VAT1L: variants seen among roughly 807,000 people sequenced by gnomAD.
The protein encoded by VAT1L is vesicle amine transport 1 like.
Under a neutral mutation model 44.1 loss-of-function variants are expected in VAT1L, and 34 were observed. The observed-to-expected ratio is 0.77, with a 90% CI of 0.59 to 1.03. The LOEUF is 1.03. VAT1L is among the 50% of genes least tolerant of loss of function. The pLI is 0.00. For missense variants in VAT1L, 615 were observed against 538.8 expected (o/e 1.14, Z -1.40); for synonymous variants, 253 against 202.2 (o/e 1.25, Z -2.13).
At chr16:77,869,161 C>G (rs576365438) in intron 4 of VAT1L, among the ~76,000 whole-genome samples, 1 of 152,134 alleles carries the variant, frequency 6.6e-6, no homozygotes, top group Non-Finnish European at 1.5e-5. Flanking sequence ...GAGGCAGTGC[C>G]TATAGAGATT....
chr16:77,828,908 G>C (rs781378626), intron 3 of VAT1L, among the ~76,000 whole-genome samples: 6 of 152,132 alleles, frequency 3.9e-5, no homozygotes, highest in Non-Finnish European at 8.8e-5. Flanking sequence ...CAGACCTCTA[G>C]CAATTTAATA....
chr16:77,910,141 C>T (rs981174527), intron 7 of VAT1L, among the ~76,000 whole-genome samples: 3 of 152,188 alleles, frequency 2.0e-5, no homozygotes, highest in Non-Finnish European at 2.9e-5. Context: ...CCCTGAAGTC[C>T]TACTTGATTC....
In VAT1L at chr16:77,977,882, A is replaced by G; in HGVS notation, c.*187A>G. ...AAGTGCCAATCCCATGCCATGCAGTATTATGTCCCTCTCCTATCTGTGTAT... is the reference window on the plus strand; with the variant it reads ...AAGTGCCAATCCCATGCCATGCAGTGTTATGTCCCTCTCCTATCTGTGTAT... On this transcript the variant is annotated 3_prime_UTR_variant, in exon 9 of 9. Coordinates refer to ENST00000302536, the MANE Select transcript of VAT1L (RefSeq NM_020927.3). 1 of 590,680 alleles carries G rather than the reference A, an allele frequency of 1.7e-6. No homozygotes were observed. The highest frequency in any genetic ancestry group is 3.1e-6 in the Non-Finnish European group (1 of 325,912). The allele number at this position is 590,680 out of a possible 1,614,324, so 36.6% of individuals were successfully genotyped here.
intron 7 of VAT1L, among the ~76,000 whole-genome samples, chr16:77,903,966 G>T (rs1567503746): frequency 1.3e-5 from 2 of 151,934 alleles, no homozygotes; most frequent in Non-Finnish European, 1.5e-5. Context: ...TCGATCTCAT[G>T]ACCTTGTGAT....
intron 7 of VAT1L, among the ~76,000 whole-genome samples, chr16:77,921,475 T>G (rs1310254849): frequency 6.6e-6 from 1 of 152,178 alleles, no homozygotes; most frequent in Admixed American, 6.5e-5. Context: ...GAAATGTGTT[T>G]GTTCTGATCT....
chr16:77,937,788 T>C (rs766640856), intron 7 of VAT1L, among the ~76,000 whole-genome samples: 7 of 152,214 alleles, frequency 4.6e-5, no homozygotes, highest in Non-Finnish European at 1.5e-5. Context: ...GTTGAATCCC[T>C]TGAATTACAT....
At chr16:77,936,464 C>T (rs1175717639) in intron 7 of VAT1L, among the ~76,000 whole-genome samples, 10 of 152,102 alleles carry the variant, frequency 6.6e-5, no homozygotes, top group African/African-American at 2.4e-5. Flanking sequence ...TCAAAGAAAA[C>T]GACCCAAGTG....
intron 4 of VAT1L, among the ~76,000 whole-genome samples, chr16:77,874,461 G>C (rs1253732179): frequency 1.8e-5 from 2 of 109,710 alleles, no homozygotes; most frequent in East Asian, 1.0e-3. Context: ...TGCCTCTCCA[G>C]CCCAACCCGA....
At chr16:77,804,130 G>A (rs2016113475) in intron 1 of VAT1L, among the ~76,000 whole-genome samples, 1 of 152,124 alleles carries the variant, frequency 6.6e-6, no homozygotes. Context: ...AACACAGAGG[G>A]GTCTGTTGAA....
At chr16:77,946,127 A>C (rs190015297) in intron 7 of VAT1L, among the ~76,000 whole-genome samples, 2 of 151,610 alleles carry the variant, frequency 1.3e-5, no homozygotes, top group Non-Finnish European at 2.9e-5. Context: ...AGACATTATC[A>C]CATTGTACAA....
intron 7 of VAT1L, among the ~76,000 whole-genome samples, chr16:77,964,779 CTTTTTTTTTTTTTTTTT>C (rs10566511): frequency 4.4e-5 from 4 of 91,880 alleles, no homozygotes; most frequent in East Asian, 3.8e-4. Context: ...CTTTGTAGCA[CTTTTTTTTTTTTTTTTT>C]TTTTTTTTTT....
chr16:77,819,582 C>T (rs1461774193), intron 2 of VAT1L, among the ~76,000 whole-genome samples: 3 of 152,096 alleles, frequency 2.0e-5, no homozygotes, highest in Admixed American at 1.3e-4. Flanking sequence ...AGGGTTTCAC[C>T]GTGTTGGCCA....
chr16:77,788,916 G>GTCCAGTA lies in VAT1L; in HGVS notation c.233+5_233+11dup, dbSNP rs750599282. The GTCCAGTA allele has an allele frequency of 6.3e-5, 94 of 1,497,096 alleles. 1 individual carries two copies. The South Asian group carries it at 1.2e-3, about 19-fold the overall frequency. The allele number at this position is 1,497,096 out of a possible 1,614,324, so 92.7% of individuals were successfully genotyped here. On this transcript the variant is annotated splice_donor_variant, in intron 1 of 8. Coordinates refer to ENST00000302536, the MANE Select transcript of VAT1L (RefSeq NM_020927.3). LOFTEE classifies it high-confidence loss of function. ...AGCTCAAGATCCGCGTCAAAGCCTG[G>GTCCAGTA]TCCAGTATCCGCGCCTTTCTCGCTT...
chr16:77,907,723 G>C (rs1018000117), intron 7 of VAT1L, among the ~76,000 whole-genome samples: 1 of 152,118 alleles, frequency 6.6e-6, no homozygotes, highest in African/African-American at 2.4e-5. Flanking sequence ...TACAAGCTCA[G>C]TACCCAAAAC....
chr16:77,841,451 G>C (rs1597061697), intron 3 of VAT1L, among the ~76,000 whole-genome samples: 1 of 152,180 alleles, frequency 6.6e-6, no homozygotes, highest in African/African-American at 2.4e-5. Flanking sequence ...GGAATGCCTG[G>C]GTGTATTTCC....
chr16:77,966,980 G>A (rs187745795), intron 7 of VAT1L, among the ~76,000 whole-genome samples: 10 of 147,850 alleles, frequency 6.8e-5, no homozygotes, highest in Non-Finnish European at 1.5e-4. Context: ...TGGTCCCAAC[G>A]GAGAAGACAA....
chr16:77,799,325 CT>C (rs1384081420), intron 1 of VAT1L, among the ~76,000 whole-genome samples: 3 of 150,546 alleles, frequency 2.0e-5, no homozygotes, highest in African/African-American at 7.3e-5. Flanking sequence ...CGTCTTTCCC[CT>C]TTTCTCCCTC....
intron 3 of VAT1L, among the ~76,000 whole-genome samples, chr16:77,838,057 A>C (rs773247961): frequency 6.6e-6 from 1 of 152,160 alleles, no homozygotes; most frequent in Admixed American, 6.5e-5. Context: ...TGCTCTATGA[A>C]CTGGTGAGAT....
At chr16:77,969,328 G>T (rs1209586476) in intron 7 of VAT1L, among the ~76,000 whole-genome samples, 3 of 151,874 alleles carry the variant, frequency 2.0e-5, no homozygotes, top group African/African-American at 4.8e-5. Flanking sequence ...CCTCACTCAG[G>T]ACAGAGTTGC....
Sources: allele counts gnomAD v4.1 joint callset (sites outside exome capture counted in the v4.1 genomes callset), GRCh38; gene constraint gnomAD v4.1.1; transcripts MANE v1.5; gene names NCBI Gene and HGNC (gene_info 2026-07-23, HGNC 2026-07-21).